Variants in MTX2 observed in about 807,000 individuals in gnomAD.
MTX2 encodes the protein metaxin-2.
In MTX2, 35 loss-of-function variants were observed where a neutral mutation model predicts 42.3. That is an observed-to-expected ratio of 0.83 (90% CI 0.63 to 1.10). The LOEUF (loss-of-function observed/expected upper bound fraction) is 1.10. Among genes scored for constraint, MTX2 ranks in the 50% least tolerant of loss-of-function variants. The pLI is 0.00. For missense variants in MTX2, 307 were observed against 304.1 expected, an observed-to-expected ratio of 1.01 and a Z score of -0.07; for synonymous variants, 119 against 100.9, an observed-to-expected ratio of 1.18 and a Z score of -1.08.
At position 176,269,618 on chromosome 2, in the gene MTX2, C is replaced by A. The variant is rs757445802; in HGVS notation, c.-12C>A. 1.4e-5 allele frequency: 22 copies of A among 1,584,468 alleles called. No homozygotes were observed. The highest frequency in any genetic ancestry group is 1.8e-5 in the Non-Finnish European group (21 of 1,169,246). On this transcript the variant is annotated 5_prime_UTR_variant, in exon 1 of 10. Coordinates refer to ENST00000249442, the MANE Select transcript of MTX2 (RefSeq NM_006554.5). The stretch of plus-strand genomic sequence containing the variant: ...GGGGGCAGGCACCCGGGCGCCGGGC[C>A]TCCCAGCCGACATGTCTCTAGTGGC...
chr2:176,321,170 G>A (rs1026475469), intron 3 of MTX2, among the ~76,000 whole-genome samples: 1 of 152,034 alleles, frequency 6.6e-6, no homozygotes, highest in Admixed American at 6.6e-5. Context: ...CTTTTTGAAA[G>A]AACTGTTTAT....
At chr2:176,310,622 G>C (rs990743255) in intron 3 of MTX2, among the ~76,000 whole-genome samples, 3 of 151,920 alleles carry the variant, frequency 2.0e-5, no homozygotes, top group Admixed American at 1.3e-4. Context: ...CTCTAACCTT[G>C]TCTTCTCACT....
At chr2:176,270,334 G>T (rs575155742) in intron 1 of MTX2, 1 of 1,351,224 alleles carries the variant, frequency 7.4e-7, no homozygotes. Flanking sequence ...CCACGCCCGC[G>T]CGGATTCATG....
intron 1 of MTX2, among the ~76,000 whole-genome samples, chr2:176,295,267 T>G (rs1463130059): frequency 6.6e-6 from 1 of 152,212 alleles, no homozygotes; most frequent in Non-Finnish European, 1.5e-5. Flanking sequence ...TGATTTAGAA[T>G]TTTATAACGA....
At chr2:176,318,166 T>G (rs1345406990) in intron 3 of MTX2, among the ~76,000 whole-genome samples, 3 of 152,026 alleles carry the variant, frequency 2.0e-5, no homozygotes, top group Non-Finnish European at 2.9e-5. Flanking sequence ...TTTAATAGAT[T>G]TTTTTTTAAA....
chr2:176,304,263 TACA>T (rs1230888442), intron 3 of MTX2: 1 of 154,432 alleles, frequency 6.5e-6, no homozygotes, highest in Non-Finnish European at 1.5e-5. Flanking sequence ...TTGAACATTC[TACA>T]ACAAGAATTA....
chr2:176,301,787 A>G lies in MTX2; in HGVS notation c.135+3892A>G, dbSNP rs141430530. Among the ~76,000 whole-genome samples the G allele has an allele frequency of 6.3e-3, 961 of 152,300 alleles. 13 individuals carry two copies. Among genetic ancestry groups the G allele is most frequent in the African/African-American group, 0.022 (903 of 41,558 alleles). On this transcript the variant is annotated intron_variant, in intron 3 of 9. Coordinates refer to ENST00000249442, the MANE Select transcript of MTX2 (RefSeq NM_006554.5). ...TATCTTATGATTAATAGTTTACATT[A>G]AGGAGTAAAAGAACATGTCTTAGCT...
At position 176,337,638 on chromosome 2, in the gene MTX2, G is replaced by C. The variant is rs144728432; in HGVS notation, c.766G>C (p.Asp256His). 3.8e-5 allele frequency: 61 copies of C among 1,610,126 alleles called. No homozygotes were observed. In the African/African-American group the frequency reaches 7.9e-4, roughly 21 times the overall value. ...GAGAATTGAACAGCACTATTTTGAA[G>C]ATCGTGGTAAAGGCAGGCTGTCATA... ...CRRIEQHYFE[D>H]RGKGRLS The change falls in exon 10 of 10, where the codon GAT (aspartate) becomes CAT (histidine). Residue 256 changes from aspartate (D) to histidine (H), a missense_variant. Physicochemically the swap from Asp to His is moderately conservative, Grantham distance 81. Transcript: ENST00000249442.
intron 1 of MTX2, among the ~76,000 whole-genome samples, chr2:176,278,041 GTTTTTTTTTTTTTT>G (rs59379339): frequency 2.0e-3 from 172 of 84,854 alleles, no homozygotes; most frequent in African/African-American, 8.9e-3. Context: ...GTTGAAACTG[GTTTTTTTTTTTTTT>G]TTTTTTTTTT....
At chr2:176,283,119 G>A (rs1290702141) in intron 1 of MTX2, among the ~76,000 whole-genome samples, 1 of 152,144 alleles carries the variant, frequency 6.6e-6, no homozygotes, top group East Asian at 1.9e-4. Flanking sequence ...CACACAATAA[G>A]TTGTAGAATT....
intron 5 of MTX2, among the ~76,000 whole-genome samples, chr2:176,327,617 T>G (rs972487912): frequency 1.3e-5 from 2 of 149,612 alleles, no homozygotes; most frequent in East Asian, 3.9e-4. Flanking sequence ...ATTGGATAAA[T>G]TAGAATTTTA....
chr2:176,337,737 T>C lies in MTX2; in HGVS notation c.*73T>C, dbSNP rs766200777. The C allele has an allele frequency of 6.9e-5, 96 of 1,388,568 alleles. No homozygotes were observed. The highest frequency in any genetic ancestry group is 2.0e-4 in the Admixed American group (8 of 39,240). 86.0% of individuals were successfully genotyped at this position (1,388,568 alleles called of 1,614,324 possible). ...TTGAATGTTACATTAGATATTGGTGTCAGAATTTTAAAACCAAATTACTGC... is the reference window on the plus strand; with the variant it reads ...TTGAATGTTACATTAGATATTGGTGCCAGAATTTTAAAACCAAATTACTGC... On this transcript the variant is annotated 3_prime_UTR_variant, in exon 10 of 10. Coordinates refer to ENST00000249442, the MANE Select transcript of MTX2 (RefSeq NM_006554.5).
In MTX2 at chr2:176,283,147, A is replaced by C. The variant is rs535037442; in HGVS notation, c.40+13478A>C. Reference sequence around the variant, plus strand: ...GTAGAATTGGGAGGGGAAGCCAGGTATGTGTGACTCTGAAATGTATGCTTT... The same window carrying C: ...GTAGAATTGGGAGGGGAAGCCAGGTCTGTGTGACTCTGAAATGTATGCTTT... On this transcript the variant is annotated intron_variant, in intron 1 of 9. Coordinates refer to ENST00000249442, the MANE Select transcript of MTX2 (RefSeq NM_006554.5). 3.9e-5 allele frequency among the ~76,000 whole-genome samples: 6 copies of C among 152,262 alleles called. No individual in the cohort carries two copies. The South Asian group carries it at 1.2e-3, about 32-fold the overall frequency.
At chr2:176,286,087 G>A (rs1200600001) in intron 1 of MTX2, among the ~76,000 whole-genome samples, 1 of 152,046 alleles carries the variant, frequency 6.6e-6, no homozygotes, top group Non-Finnish European at 1.5e-5. Context: ...ATCTCATGGT[G>A]GTTTTGGTTT....
chr2:176,274,429 A>T (rs1455748828), intron 1 of MTX2, among the ~76,000 whole-genome samples: 1 of 152,214 alleles, frequency 6.6e-6, no homozygotes, highest in Non-Finnish European at 1.5e-5. Flanking sequence ...GTAGTATTTC[A>T]TTGTAATGAA....
At chr2:176,295,834 A>G (rs913004305) in intron 1 of MTX2, among the ~76,000 whole-genome samples, 2 of 152,184 alleles carry the variant, frequency 1.3e-5, no homozygotes, top group Non-Finnish European at 2.9e-5. Flanking sequence ...AGCCAGAATT[A>G]TATATTAAAG....
chr2:176,320,582 A>G (rs1351395023), intron 3 of MTX2, among the ~76,000 whole-genome samples: 5 of 152,094 alleles, frequency 3.3e-5, no homozygotes, highest in African/African-American at 1.2e-4. Flanking sequence ...ATCAACTTTC[A>G]GTCATCATCA....
chr2:176,296,908 G>A lies in MTX2; in HGVS notation c.88+1G>A. 6.2e-7 allele frequency: 1 copy of A among 1,612,468 alleles called. No individual in the cohort carries two copies. The highest frequency in any genetic ancestry group is 1.7e-5 in the Admixed American group (1 of 59,994). On this transcript the variant is annotated splice_donor_variant, in intron 2 of 9. Coordinates refer to ENST00000249442, the MANE Select transcript of MTX2 (RefSeq NM_006554.5). LOFTEE classifies it high-confidence loss of function. Reference sequence around the variant, plus strand: ...GCTACATTATATCAGCAATTGAAAGGTAAGTCTTGTTCACAATTAAAAATG... The same window carrying A: ...GCTACATTATATCAGCAATTGAAAGATAAGTCTTGTTCACAATTAAAAATG...
chr2:176,305,391 T>TA (rs1350024313), intron 3 of MTX2, among the ~76,000 whole-genome samples: 2 of 152,104 alleles, frequency 1.3e-5, no homozygotes, highest in African/African-American at 4.8e-5. Context: ...CCCCAACTGT[T>TA]CATTGAGTGC....
Sources: gnomAD v4.1 joint callset for allele counts (sites outside exome capture counted in the v4.1 genomes callset) on GRCh38, gnomAD v4.1.1 for gene constraint, MANE v1.5 for transcripts, NCBI Gene and HGNC (gene_info 2026-07-23, HGNC 2026-07-21) for gene names.